Variants in SCAMP1 observed in about 807,000 individuals in gnomAD.
The protein encoded by SCAMP1 is secretory carrier membrane protein 1, also known as secretory carrier-associated membrane protein 1.
SCAMP1 carries 15 observed loss-of-function variants against 41.8 expected under a neutral mutation model. That is an observed-to-expected ratio of 0.36 (90% confidence interval 0.24 to 0.55). The LOEUF (loss-of-function observed/expected upper bound fraction) is 0.55, where lower values mean the gene tolerates loss of function less well. SCAMP1 is among the 20% of genes least tolerant of loss of function. The pLI, the probability that SCAMP1 is intolerant of heterozygous loss-of-function variation, is 0.86. For synonymous variants in SCAMP1, 135 were observed against 136.8 expected (o/e 0.99, Z 0.09); for missense variants, 341 against 412.6 (o/e 0.83, Z 1.50).
chr5:78,372,153 T>A (rs1175853071), intron 1 of SCAMP1, among the ~76,000 whole-genome samples: 1 of 152,230 alleles, frequency 6.6e-6, no homozygotes, highest in Admixed American at 6.5e-5. Flanking sequence ...GTTATATACA[T>A]GCTAACGGCA....
At chr5:78,418,742 ATAAC>A in intron 4 of SCAMP1, 29 bp from the exon 5 acceptor site, 2 of 1,312,212 alleles carry the variant, frequency 1.5e-6, no homozygotes, top group Non-Finnish European at 2.1e-6. Flanking sequence ...TATAATATAA[ATAAC>A]CTTTTCTTTT....
intron 8 of SCAMP1, among the ~76,000 whole-genome samples, chr5:78,472,167 T>C (rs892483358): frequency 2.0e-5 from 3 of 152,124 alleles, no homozygotes; most frequent in Non-Finnish European, 2.9e-5. Flanking sequence ...AACTTGGTGA[T>C]AATTGTGCTC....
At chr5:78,445,561 T>C (rs1753033035) in intron 6 of SCAMP1, among the ~76,000 whole-genome samples, 1 of 152,224 alleles carries the variant, frequency 6.6e-6, no homozygotes, top group Non-Finnish European at 1.5e-5. Flanking sequence ...ATTTAAACAG[T>C]CTGCTTTCTG....
At chr5:78,474,868 C>T (rs11745756) in intron 8 of SCAMP1, among the ~76,000 whole-genome samples, 42,763 of 152,062 alleles carry the variant, frequency 0.28, 6,317 homozygotes, top group East Asian at 0.54. Context: ...TTGAACCCTA[C>T]TCCTGAAAAT....
intron 2 of SCAMP1, among the ~76,000 whole-genome samples, chr5:78,398,425 C>T (rs544131725): frequency 7.9e-6 from 1 of 126,544 alleles, no homozygotes; most frequent in Admixed American, 9.8e-5. Flanking sequence ...AGTGCAGTGG[C>T]ATGAATGTAG....
chr5:78,408,838 G>C (rs748544296), intron 2 of SCAMP1, among the ~76,000 whole-genome samples: 1 of 152,088 alleles, frequency 6.6e-6, no homozygotes, highest in Non-Finnish European at 1.5e-5. Context: ...GGCCTTGAGT[G>C]ATCCTTCCAC....
At position 78,469,920 on chromosome 5, in the gene SCAMP1, A is replaced by C. The variant is rs1580722437; in HGVS notation, c.853-5584A>C. On this transcript the variant is annotated intron_variant, in intron 8 of 8. Transcript: ENST00000621999. ...AAAAAAAAAAAAAAAAAACAAAAAA[A>C]AAAAAAAAAAAACAACAACACAGCC... is the stretch of plus-strand genomic sequence containing the variant. Among the ~76,000 whole-genome samples, 159 of 18,564 alleles carry C rather than the reference A, an allele frequency of 8.6e-3. 23 individuals are homozygous for C. The highest frequency in any genetic ancestry group is 0.012 in the Non-Finnish European group (110 of 8,810). The allele number at this position is 18,564 out of a possible 152,430, so 12.2% of individuals were successfully genotyped here.
At chr5:78,404,461 T>TTTTTTTTG (rs1162492240) in intron 2 of SCAMP1, among the ~76,000 whole-genome samples, 1 of 147,648 alleles carries the variant, frequency 6.8e-6, no homozygotes, top group Non-Finnish European at 1.5e-5. Context: ...AGGTTTTTTT[T>TTTTTTTTG]TTTTTTTTTT....
intron 1 of SCAMP1, among the ~76,000 whole-genome samples, chr5:78,382,841 T>G (rs1220680396): frequency 6.7e-6 from 1 of 149,904 alleles, no homozygotes; most frequent in Non-Finnish European, 1.5e-5. Flanking sequence ...CTGTATCCAC[T>G]CGTTGATTGA....
chr5:78,408,706 C>T (rs906572323), intron 2 of SCAMP1, among the ~76,000 whole-genome samples: 1 of 152,166 alleles, frequency 6.6e-6, no homozygotes, highest in Non-Finnish European at 1.5e-5. Context: ...TCAAGCTATC[C>T]TTCTGCCTCA....
Position 78,466,553 on chromosome 5 carries a change from C to G in SCAMP1, c.852+7191C>G, listed in dbSNP as rs75437343. ...CAAATTCAGGGAATTAAATGTAGCT[C>G]AGAATGGATGGGAGATAAAACATGG... On this transcript the variant is annotated intron_variant, in intron 8 of 8. Transcript: ENST00000621999. Among the ~76,000 whole-genome samples, 586 of 152,154 alleles carry G rather than the reference C, an allele frequency of 3.9e-3. 4 individuals are homozygous for G. Among genetic ancestry groups the G allele is most frequent in the African/African-American group, 0.013 (544 of 41,504 alleles).
intron 2 of SCAMP1, among the ~76,000 whole-genome samples, chr5:78,410,224 C>A (rs115180892): frequency 0.02 from 2,967 of 151,700 alleles, 51 homozygotes; most frequent in South Asian, 0.055. Flanking sequence ...ACAGATCAAC[C>A]CATCACCTAA....
In SCAMP1 at chr5:78,477,746, TTAATA is replaced by T. The variant is rs1754037825; in HGVS notation, c.*2080_*2084del. On this transcript the variant is annotated 3_prime_UTR_variant, in exon 9 of 9. Coordinates refer to ENST00000621999, the MANE Select transcript of SCAMP1 (RefSeq NM_004866.6). ...GGAAAATGTTTTAAAATCCAGTTAT[TTAATA>T]TGAGTTTGAGAGAGAAAATTGTTTT... 1 of 152,144 alleles carries T rather than the reference TTAATA, an allele frequency of 6.6e-6. No individual in the cohort carries two copies. Among genetic ancestry groups the T allele is most frequent in the Non-Finnish European group, 1.5e-5 (1 of 67,982 alleles). The allele number at this position is 152,144 out of a possible 1,614,324, so 9.4% of individuals were successfully genotyped here. A position where few individuals can be genotyped will look rare whatever the true frequency, so the allele number is the denominator to read the frequency against.
intron 6 of SCAMP1, among the ~76,000 whole-genome samples, chr5:78,438,564 T>A (rs925952124): frequency 6.6e-6 from 1 of 152,144 alleles, no homozygotes; most frequent in Non-Finnish European, 1.5e-5. Context: ...TTTGATTGCA[T>A]TGTGGTCTGA....
At chr5:78,456,501 T>G (rs1753406208) in intron 7 of SCAMP1, among the ~76,000 whole-genome samples, 2 of 151,810 alleles carry the variant, frequency 1.3e-5, no homozygotes, top group Non-Finnish European at 2.9e-5. Flanking sequence ...TTAAGAATGT[T>G]GAATATTGGC....
chr5:78,429,479 T>G (rs1355120425), intron 6 of SCAMP1, among the ~76,000 whole-genome samples: 3 of 152,072 alleles, frequency 2.0e-5, no homozygotes, highest in Non-Finnish European at 4.4e-5. Flanking sequence ...GTGAGTTACA[T>G]TGATTGACTT....
chr5:78,473,814 A>G (rs1205420785), intron 8 of SCAMP1, among the ~76,000 whole-genome samples: 1 of 152,152 alleles, frequency 6.6e-6, no homozygotes, highest in African/African-American at 2.4e-5. Context: ...AGTTTCATAA[A>G]TGCCAAGGTT....
intron 7 of SCAMP1, among the ~76,000 whole-genome samples, chr5:78,452,457 C>A (rs1398916168): frequency 2.8e-4 from 35 of 126,794 alleles, no homozygotes; most frequent in Admixed American, 4.1e-4. Flanking sequence ...TTTGTTCTTG[C>A]GATAGTTTAC....
intron 2 of SCAMP1, among the ~76,000 whole-genome samples, chr5:78,406,590 T>G (rs983394006): frequency 1.3e-5 from 2 of 152,202 alleles, no homozygotes; most frequent in Admixed American, 1.3e-4. Context: ...CTTACTATAT[T>G]ATAGAGCAGT....
Sources: gnomAD v4.1 joint callset for allele counts (sites outside exome capture counted in the v4.1 genomes callset) on GRCh38, gnomAD v4.1.1 for gene constraint, MANE v1.5 for transcripts, NCBI Gene and HGNC (gene_info 2026-07-23, HGNC 2026-07-21) for gene names.